DCLK1: variants seen among roughly 807,000 people sequenced by gnomAD.
DCLK1 encodes the protein doublecortin like kinase 1, also known as serine/threonine-protein kinase DCLK1.
In DCLK1, 16 loss-of-function variants were observed where a neutral mutation model predicts 86.2. That is an observed-to-expected ratio of 0.19 (90% CI 0.13 to 0.28). The LOEUF (loss-of-function observed/expected upper bound fraction) is 0.28, where lower values mean the gene tolerates loss of function less well. DCLK1 is among the 10% of genes least tolerant of loss of function. DCLK1 has a pLI of 1.00. For missense variants in DCLK1, 590 were observed against 940.2 expected (o/e 0.63, Z 4.87); for synonymous variants, 369 against 370.5 (o/e 1.00, Z 0.05).
At chr13:35,789,985 G>A (rs942247946) in intron 16 of DCLK1, among the ~76,000 whole-genome samples, 33 of 151,896 alleles carry the variant, frequency 2.2e-4, no homozygotes, top group African/African-American at 8.0e-4. Flanking sequence ...GGAATGCAAT[G>A]CCTTCCACCT....
At chr13:35,967,035 C>A (rs1436214768) in intron 3 of DCLK1, among the ~76,000 whole-genome samples, 1 of 151,252 alleles carries the variant, frequency 6.6e-6, no homozygotes, top group Non-Finnish European at 1.5e-5. Flanking sequence ...CTCTTCCTGG[C>A]CGTCATCCCG....
At chr13:35,816,950 T>A (rs1391042126) in intron 11 of DCLK1, among the ~76,000 whole-genome samples, 3 of 152,184 alleles carry the variant, frequency 2.0e-5, no homozygotes, top group Admixed American at 1.3e-4. Context: ...AAGGTTTTGG[T>A]TATATATTAC....
chr13:35,941,393 A>G (rs1054783738), intron 4 of DCLK1, among the ~76,000 whole-genome samples: 5 of 152,200 alleles, frequency 3.3e-5, no homozygotes, highest in African/African-American at 9.6e-5. Context: ...ATATTTACCA[A>G]GCAGATCTTG....
chr13:36,071,593 T>G (rs1883977869), intron 3 of DCLK1, among the ~76,000 whole-genome samples: 1 of 152,174 alleles, frequency 6.6e-6, no homozygotes, highest in Non-Finnish European at 1.5e-5. Context: ...CCAGGAAGTA[T>G]GGGTGTTAGA....
chr13:35,983,161 T>C (rs893909657), intron 3 of DCLK1, among the ~76,000 whole-genome samples: 4 of 152,066 alleles, frequency 2.6e-5, no homozygotes, highest in African/African-American at 9.7e-5. Context: ...GGTCTCACTG[T>C]TTTGCCCATG....
At chr13:36,022,390 G>A (rs555483976) in intron 3 of DCLK1, among the ~76,000 whole-genome samples, 2 of 152,072 alleles carry the variant, frequency 1.3e-5, no homozygotes, top group African/African-American at 4.8e-5. Flanking sequence ...AAAGTGAGTA[G>A]GAGGAAAGCA....
At chr13:35,799,253 T>TG (rs1281381174) in intron 15 of DCLK1, among the ~76,000 whole-genome samples, 1 of 136,868 alleles carries the variant, frequency 7.3e-6, no homozygotes, top group Non-Finnish European at 1.5e-5. Context: ...CTCAGTTGTT[T>TG]TTTTTTTGTT....
At chr13:36,123,306 A>C (rs1886057432) in intron 2 of DCLK1, among the ~76,000 whole-genome samples, 1 of 152,222 alleles carries the variant, frequency 6.6e-6, no homozygotes, top group Non-Finnish European at 1.5e-5. Flanking sequence ...TTAAACACTA[A>C]GTGCAGCTGC....
In DCLK1 at chr13:35,852,815, G is replaced by A. The variant is rs146670042; in HGVS notation, c.1035+1684C>T. Among the ~76,000 whole-genome samples the A allele has an allele frequency of 1.2e-3, 181 of 152,282 alleles. 2 individuals are homozygous for A. The highest frequency in any genetic ancestry group is 4.1e-3 in the African/African-American group (170 of 41,548). On this transcript the variant is annotated intron_variant, in intron 6 of 16. Coordinates refer to ENST00000360631, the MANE Select transcript of DCLK1 (RefSeq NM_001330071.2). ...GAGGTCTCCTCAATAAATAAGCAAGGAGAGGAGCTCCCATTTGCAGCGGGA... is the reference window on the plus strand; with the variant it reads ...GAGGTCTCCTCAATAAATAAGCAAGAAGAGGAGCTCCCATTTGCAGCGGGA...
intron 3 of DCLK1, among the ~76,000 whole-genome samples, chr13:36,027,872 T>C (rs1240184886): frequency 6.6e-6 from 1 of 152,062 alleles, no homozygotes; most frequent in Non-Finnish European, 1.5e-5. Context: ...AGTGGGACTA[T>C]AGGTGCATGG....
chr13:36,087,857 G>T (rs902520613), intron 3 of DCLK1, among the ~76,000 whole-genome samples: 1 of 152,170 alleles, frequency 6.6e-6, no homozygotes, highest in African/African-American at 2.4e-5. Context: ...CAAGGGGAAG[G>T]CAGGGAAGGT....
At chr13:35,857,796 A>C (rs1198915773) in intron 5 of DCLK1, among the ~76,000 whole-genome samples, 1 of 152,156 alleles carries the variant, frequency 6.6e-6, no homozygotes, top group Admixed American at 6.5e-5. Flanking sequence ...ATGAAGGAAA[A>C]GTGTCCTCAG....
intron 3 of DCLK1, among the ~76,000 whole-genome samples, chr13:35,997,655 T>C (rs1272349034): frequency 6.6e-6 from 1 of 152,204 alleles, no homozygotes; most frequent in Non-Finnish European, 1.5e-5. Context: ...ATTCCAACTA[T>C]GGTTGTAAGT....
intron 4 of DCLK1, among the ~76,000 whole-genome samples, chr13:35,921,447 C>G (rs1875797495): frequency 6.6e-6 from 1 of 152,194 alleles, no homozygotes; most frequent in Admixed American, 6.5e-5. Flanking sequence ...CAGGTTTCAG[C>G]AGAAATTCGA....
intron 3 of DCLK1, among the ~76,000 whole-genome samples, chr13:36,078,782 GGTT>G (rs1358471461): frequency 2.0e-5 from 3 of 152,104 alleles, no homozygotes; most frequent in Non-Finnish European, 4.4e-5. Flanking sequence ...AACATTAAAA[GGTT>G]GTCACTTTAC....
At chr13:35,823,869 T>G (rs1434754947) in intron 10 of DCLK1, among the ~76,000 whole-genome samples, 1 of 152,238 alleles carries the variant, frequency 6.6e-6, no homozygotes. Flanking sequence ...CTGGGCCCTC[T>G]GTGCCCCTGT....
At chr13:36,067,476 T>G (rs1294259729) in intron 3 of DCLK1, among the ~76,000 whole-genome samples, 1 of 145,926 alleles carries the variant, frequency 6.9e-6, no homozygotes, top group Admixed American at 6.9e-5. Flanking sequence ...AGTTAATGGG[T>G]GCAGCACACC....
intron 5 of DCLK1, among the ~76,000 whole-genome samples, chr13:35,867,909 AAAAGAAAGAAAGAAAGAAAGAAAGAAAG>A (rs34489580): frequency 9.8e-6 from 1 of 102,374 alleles, no homozygotes; most frequent in African/African-American, 4.0e-5. Context: ...GAAAGAAAGA[AAAAGAAAGAAAGAAAGAAAGAAAGAAAG>A]AAAGAAAGAA....
At chr13:35,883,394 C>T (rs1400217667) in intron 4 of DCLK1, among the ~76,000 whole-genome samples, 1 of 152,122 alleles carries the variant, frequency 6.6e-6, no homozygotes, top group Non-Finnish European at 1.5e-5. Context: ...CTGGCACCTT[C>T]CCTTCTCCCT....
Sources: gnomAD v4.1 joint callset for allele counts (sites outside exome capture counted in the v4.1 genomes callset) on GRCh38, gnomAD v4.1.1 for gene constraint, MANE v1.5 for transcripts, NCBI Gene and HGNC (gene_info 2026-07-23, HGNC 2026-07-21) for gene names.